The following DALRD3 variants were observed in gnomAD, a reference collection of about 807,000 sequenced individuals.
DALRD3 encodes the protein DALR anticodon binding domain containing 3, also known as DALR anticodon-binding domain-containing protein 3.
A neutral mutation model predicts 56.7 loss-of-function variants in DALRD3; 47 were observed. That is an observed-to-expected ratio of 0.83 (90% CI 0.66 to 1.06). DALRD3 has a LOEUF of 1.06. Among genes scored for constraint, DALRD3 ranks in the 50% least tolerant of loss-of-function variants. The pLI is 0.00. For missense variants in DALRD3, 787 were observed against 724.0 expected (o/e 1.09, Z -1.00); for synonymous variants, 347 against 308.5 (o/e 1.12, Z -1.31).
At chr3:49,015,921 C>A in intron 10 of DALRD3, 49 bp from the exon 11 acceptor site, 1 of 1,614,190 alleles carries the variant, frequency 6.2e-7, no homozygotes, top group South Asian at 1.1e-5. Flanking sequence ...TCTTGTGCCC[C>A]AGGCCAGAAT....
chr3:49,020,642 C>G (rs745611179), upstream of DALRD3: 2 of 487,784 alleles, frequency 4.1e-6, no homozygotes, highest in Admixed American at 2.2e-5. Flanking sequence ...GGGACGAAAT[C>G]CAAGCGCAGC....
In DALRD3 at chr3:49,017,300, A is replaced by C. The variant is rs1325335508; in HGVS notation, c.855T>G (p.Cys285Trp). 6.2e-7 allele frequency: 1 copy of C among 1,614,000 alleles called. No homozygotes were observed. Among genetic ancestry groups the C allele is most frequent in the Non-Finnish European group, 8.5e-7 (1 of 1,180,032 alleles). ...ACTTCTGTTGCTGGAACTCCTCCTC[A>C]CAGCTAACAACATGTACAACCAGGC... ...GGCLVVHVVS[C>W]EEEFQQQKLD... Residue 285 changes from cysteine (C) to tryptophan (W), a missense_variant, in exon 5 of 12, where the codon TGT becomes TGG. Physicochemically the swap from Cys to Trp is radical, Grantham distance 215. Transcript: ENST00000341949.
rs572215264 is a variant in DALRD3, at chr3:49,015,490, T to C, written c.*98A>G. The C allele has an allele frequency of 6.7e-5, 105 of 1,563,508 alleles. No individual in the cohort carries two copies. In the South Asian group the frequency reaches 1.2e-3, roughly 17 times the overall value. ...GACTCCCCATGACAAGACAGAACTT[T>C]GTAACAAACAGTACCAATTTATTTT... is the stretch of plus-strand genomic sequence containing the variant. On this transcript the variant is annotated 3_prime_UTR_variant, in exon 12 of 12. Coordinates refer to ENST00000341949, the MANE Select transcript of DALRD3 (RefSeq NM_001009996.3).
At position 49,018,208 on chromosome 3, in the gene DALRD3, G is replaced by A. The variant is rs937339146; in HGVS notation, c.276C>T (p.Ser92=). 2.1e-6 allele frequency: 3 copies of A among 1,445,364 alleles called. No homozygotes were observed. The highest frequency in any genetic ancestry group is 1.5e-5 in the African/African-American group (1 of 68,084). 89.5% of individuals were successfully genotyped at this position (1,445,364 alleles called of 1,614,324 possible). The change falls in exon 2 of 12, where the codon TCC becomes TCT. Residue 92 remains serine (S), a synonymous_variant. Transcript: ENST00000341949. ...PAGLSLQLQR[S]AVFERVLSAV... ...CGCTGAGGACGCGCTCGAAGACGGC[G>A]GACCGCTGCAGTTGGAGAGACAGAC...
At chr3:49,020,721 C>CG (rs761775580), upstream of DALRD3, 31 of 477,490 alleles carry the variant, frequency 6.5e-5, no homozygotes, top group Middle Eastern at 5.4e-4. Context: ...TGGCGGGGGG[C>CG]GGGGGAGCTC....
upstream of DALRD3, chr3:49,020,724 G>C (rs551359883): frequency 2.1e-6 from 1 of 476,092 alleles, no homozygotes; most frequent in East Asian, 6.5e-5. Context: ...CGGGGGGCGG[G>C]GGAGCTCCTG....
upstream of DALRD3, among the ~76,000 whole-genome samples, chr3:49,019,379 C>A (rs976358006): frequency 1.3e-5 from 2 of 151,814 alleles, no homozygotes; most frequent in Non-Finnish European, 2.9e-5. Context: ...CCCGGGTGGT[C>A]TTTATGCCCA....
chr3:49,017,472 C>T lies in DALRD3; in HGVS notation c.760G>A (p.Ala254Thr), dbSNP rs941243204. The change falls in exon 4 of 12, where the codon GCT becomes ACT. Residue 254 changes from alanine (A) to threonine (T), a missense_variant. By Grantham distance (58) the Ala-to-Thr change is moderately conservative (BLOSUM62 0). Coordinates refer to ENST00000341949, the MANE Select transcript of DALRD3 (RefSeq NM_001009996.3). ...LLSVLAELQE[A>T]LWHWPEDSHP... ...CTGTCCTCGGGCCAATGCCATAGAG[C>T]CTCTTGCAGCTCAGCCAGCACAGAG... is the stretch of plus-strand genomic sequence containing the variant. 6.2e-7 allele frequency: 1 copy of T among 1,614,132 alleles called. No homozygotes were observed.
chr3:49,020,610 C>T (rs1221513055), upstream of DALRD3: 5 of 483,402 alleles, frequency 1.0e-5, 1 homozygote, highest in Admixed American at 1.1e-4. Flanking sequence ...TGGGCCAGGG[C>T]GCTGCTCAGG....
chr3:49,020,740 A>G (rs764240631), upstream of DALRD3: 1 of 464,754 alleles, frequency 2.2e-6, no homozygotes, highest in South Asian at 1.6e-5. Context: ...TCCTGCCCCC[A>G]GGTCACTCGC....
Position 49,017,291 on chromosome 3 carries a change from C to T in DALRD3, c.864G>A (p.Glu288=), listed in dbSNP as rs1159027633. Residue 288 remains glutamate (E), a synonymous_variant, in exon 5 of 12, where the codon GAG becomes GAA. Transcript: ENST00000341949. The part of the protein sequence containing the change: ...LVVHVVSCEE[E]FQQQKLDLLW... ...GCAGGTCCAACTTCTGTTGCTGGAA[C>T]TCCTCCTCACAGCTAACAACATGTA... 3 of 1,614,166 alleles carry T rather than the reference C, an allele frequency of 1.9e-6. No homozygotes were observed. The Admixed American group carries it at 5.0e-5, about 27-fold the overall frequency.
chr3:49,016,704 C>G, intron 6 of DALRD3, 31 bp from the exon 7 acceptor site: 1 of 1,611,852 alleles, frequency 6.2e-7, no homozygotes, highest in Non-Finnish European at 8.5e-7. Context: ...GGCCAGTGGG[C>G]AGGGTCCTGG....
chr3:49,017,172 G>A (rs1209178684), intron 5 of DALRD3, 56 bp downstream of exon 5: 2 of 1,611,330 alleles, frequency 1.2e-6, no homozygotes, highest in African/African-American at 1.3e-5. Flanking sequence ...GTTTTCAAGG[G>A]CCCTCTGAGG....
At position 49,015,614 on chromosome 3, in the gene DALRD3, C is replaced by G. The variant is rs1227816387; in HGVS notation, c.1606G>C (p.Gly536Arg). The G allele has an allele frequency of 1.2e-6, 2 of 1,613,950 alleles. No homozygotes were observed. The highest frequency in any genetic ancestry group is 1.7e-5 in the Admixed American group (1 of 59,972). Residue 536 changes from glycine to arginine, a missense_variant, in exon 12 of 12, where the codon GGT becomes CGT. Coordinates refer to ENST00000341949, the MANE Select transcript of DALRD3 (RefSeq NM_001009996.3). Reference sequence around the variant, plus strand: ...TAAATGTGGCTCAGTGGAGGGAGACCCAGCATAGCCAGGCCAGTATGGAGC... The same window carrying G: ...TAAATGTGGCTCAGTGGAGGGAGACGCAGCATAGCCAGGCCAGTATGGAGC... ...EVLHTGLAML[G>R]LPPLSHI
chr3:49,018,432 G>T lies in DALRD3; in HGVS notation c.133C>A (p.Arg45Ser). The T allele has an allele frequency of 6.3e-7, 1 of 1,583,238 alleles. No individual in the cohort carries two copies. The stretch of plus-strand genomic sequence containing the variant: ...TCATCGAAGCGCGCCTGCAGCGCGC[G>T]GTGCGGTGCCAGAAAGTCTCGGGAA... ...LRSRDFLAPH[R>S]ALQARFDDGQ... is the part of the protein sequence containing the mutation. The change falls in exon 1 of 12, where the codon CGC becomes AGC. Residue 45 changes from arginine to serine, a missense_variant. Physicochemically the swap from Arg to Ser is moderately radical, Grantham distance 110. Transcript: ENST00000341949.
intron 5 of DALRD3, 140 bp downstream of exon 5, chr3:49,017,088 A>G: frequency 8.2e-7 from 1 of 1,222,762 alleles, no homozygotes; most frequent in South Asian, 1.4e-5. Flanking sequence ...CACCTGCTGT[A>G]CATGCCCTCT....
upstream of DALRD3, chr3:49,020,820 G>T (rs2093149322): frequency 5.4e-6 from 2 of 369,122 alleles, no homozygotes; most frequent in African/African-American, 4.2e-5. Flanking sequence ...TTGTGAAACG[G>T]AGTCTAGAGG....
chr3:49,016,666 G>A lies in DALRD3; in HGVS notation c.1009C>T (p.His337Tyr), dbSNP rs550071849. The A allele has an allele frequency of 1.2e-6, 2 of 1,601,632 alleles. No individual in the cohort carries two copies. Among genetic ancestry groups the A allele is most frequent in the Admixed American group, 1.7e-5 (1 of 59,422 alleles). ...MTAPEYYEFR[H>Y]TQVCKASALK... is the part of the protein sequence containing the mutation. ...GCTGAGGCCTTGCACACCTGGGTAT[G>A]CCGGAACCTGTGTTTGGAAGAGAGG... Residue 337 changes from histidine (H) to tyrosine (Y), a missense_variant, in exon 7 of 12, where the codon CAT (histidine) becomes TAT (tyrosine). By Grantham distance (83) the His-to-Tyr change is moderately conservative. Transcript: ENST00000341949.
Position 49,018,264 on chromosome 3 carries a change from G to A in DALRD3, c.220C>T (p.Pro74Ser). Residue 74 changes from proline (P) to serine (S), a missense_variant, in exon 2 of 12, where the codon CCG (proline) becomes TCG (serine). By Grantham distance (74) the Pro-to-Ser change is moderately conservative. Coordinates refer to ENST00000341949, the MANE Select transcript of DALRD3 (RefSeq NM_001009996.3). ...LACLQGPGVA[P>S]VLRCAPTPAG... ...GGGGTCGGCGCGCAGCGCAGCACCGGGGCCACACCGGGGCCCTGCAGGCAG... is the reference window on the plus strand; with the variant it reads ...GGGGTCGGCGCGCAGCGCAGCACCGAGGCCACACCGGGGCCCTGCAGGCAG... The A allele has an allele frequency of 6.9e-7, 1 of 1,443,086 alleles. No individual in the cohort carries two copies. Among genetic ancestry groups the A allele is most frequent in the Non-Finnish European group, 9.0e-7 (1 of 1,106,850 alleles). The allele number at this position is 1,443,086 out of a possible 1,614,324, so 89.4% of individuals were successfully genotyped here. A position where few individuals can be genotyped will look rare whatever the true frequency, so the allele number is the denominator to read the frequency against.
Sources: gnomAD v4.1 joint callset for allele counts (sites outside exome capture counted in the v4.1 genomes callset) on GRCh38, gnomAD v4.1.1 for gene constraint, MANE v1.5 for transcripts, NCBI Gene and HGNC (gene_info 2026-07-23, HGNC 2026-07-21) for gene names.